GALNTL6: variants seen among roughly 807,000 people sequenced by gnomAD.
The protein encoded by GALNTL6 is polypeptide N-acetylgalactosaminyltransferase like 6, also known as polypeptide N-acetylgalactosaminyltransferase-like 6.
A neutral mutation model predicts 73.7 loss-of-function variants in GALNTL6; 46 were observed. That is an observed-to-expected ratio of 0.62 (90% confidence interval 0.49 to 0.80). The LOEUF is 0.80. Among genes scored for constraint, GALNTL6 ranks in the 30% least tolerant of loss-of-function variants. GALNTL6 has a pLI of 0.00. For synonymous variants in GALNTL6, 259 were observed against 263.7 expected (o/e 0.98, Z 0.17); for missense variants, 604 against 755.0 (o/e 0.80, Z 2.34).
intron 5 of GALNTL6, among the ~76,000 whole-genome samples, chr4:172,574,679 A>C (rs1736895988): frequency 6.6e-6 from 1 of 151,928 alleles, no homozygotes; most frequent in Admixed American, 6.6e-5. Context: ...AACACAAGAA[A>C]AAAATTGCTT....
At chr4:172,276,669 A>C (rs1055247091) in intron 3 of GALNTL6, among the ~76,000 whole-genome samples, 1 of 152,060 alleles carries the variant, frequency 6.6e-6, no homozygotes, top group Non-Finnish European at 1.5e-5. Flanking sequence ...TTTCAATCAC[A>C]CAACCAACTA....
chr4:172,176,086 T>TC (rs1371940266), intron 2 of GALNTL6, among the ~76,000 whole-genome samples: 1 of 151,872 alleles, frequency 6.6e-6, no homozygotes, highest in Non-Finnish European at 1.5e-5. Flanking sequence ...ACGCCTGTAA[T>TC]CCCAGCACTT....
At chr4:172,716,878 C>T (rs966971080) in intron 5 of GALNTL6, among the ~76,000 whole-genome samples, 6 of 152,188 alleles carry the variant, frequency 3.9e-5, no homozygotes, top group African/African-American at 1.2e-4. Context: ...AATTGTTCTA[C>T]AAATTCCTTG....
At chr4:172,353,192 G>C (rs1039401557) in intron 5 of GALNTL6, among the ~76,000 whole-genome samples, 2 of 152,132 alleles carry the variant, frequency 1.3e-5, no homozygotes, top group Non-Finnish European at 2.9e-5. Flanking sequence ...TGTAATCCCA[G>C]CACTTTGGGA....
chr4:171,874,012 C>T (rs541833117), intron 2 of GALNTL6, among the ~76,000 whole-genome samples: 4 of 152,206 alleles, frequency 2.6e-5, no homozygotes, highest in South Asian at 2.1e-4. Context: ...TGTTGAATGC[C>T]GGCAGAATTC....
chr4:172,522,822 A>G (rs2110822603), intron 5 of GALNTL6, among the ~76,000 whole-genome samples: 1 of 152,250 alleles, frequency 6.6e-6, no homozygotes, highest in East Asian at 1.9e-4. Context: ...ATGATATCTA[A>G]TACATACATA....
At chr4:172,249,386 A>C (rs1470027550) in intron 3 of GALNTL6, among the ~76,000 whole-genome samples, 1 of 152,174 alleles carries the variant, frequency 6.6e-6, no homozygotes, top group Admixed American at 6.5e-5. Flanking sequence ...CAAGTTTGAA[A>C]ATTTGCAGCC....
At chr4:172,632,295 A>G (rs1222732586) in intron 5 of GALNTL6, among the ~76,000 whole-genome samples, 1 of 152,236 alleles carries the variant, frequency 6.6e-6, no homozygotes, top group Non-Finnish European at 1.5e-5. Context: ...TTGGAAGCTC[A>G]GAAGAGGACG....
chr4:172,131,488 T>TAC (rs386402284), intron 2 of GALNTL6, among the ~76,000 whole-genome samples: 13 of 147,542 alleles, frequency 8.8e-5, no homozygotes, highest in Admixed American at 1.4e-4. Context: ...TGTATATATA[T>TAC]ACATATATAT....
At position 171,817,960 on chromosome 4, in the gene GALNTL6, A is replaced by G. The variant is rs113309921; in HGVS notation, c.138+3242A>G. Among the ~76,000 whole-genome samples the G allele has an allele frequency of 7.2e-3, 1,087 of 151,622 alleles. 9 individuals carry two copies. Among genetic ancestry groups the G allele is most frequent in the African/African-American group, 0.024 (1,013 of 41,468 alleles). On this transcript the variant is annotated intron_variant, in intron 2 of 12. Coordinates refer to ENST00000506823, the MANE Select transcript of GALNTL6 (RefSeq NM_001034845.3). ...TTATAATTGTGATGTGTTATTTTCA[A>G]TTGACTTAATTTTGTCTTTTTTTGT...
intron 5 of GALNTL6, among the ~76,000 whole-genome samples, chr4:172,600,141 G>A (rs1282250872): frequency 2.0e-5 from 3 of 151,896 alleles, no homozygotes; most frequent in African/African-American, 7.3e-5. Context: ...TGTATAATGG[G>A]GAATAGCAAA....
At chr4:172,891,274 T>A (rs887225727) in intron 8 of GALNTL6, among the ~76,000 whole-genome samples, 1 of 152,200 alleles carries the variant, frequency 6.6e-6, no homozygotes, top group African/African-American at 2.4e-5. Context: ...GACTACATAC[T>A]TGCATATGTT....
intron 5 of GALNTL6, among the ~76,000 whole-genome samples, chr4:172,457,348 AT>A (rs1410838713): frequency 6.6e-6 from 1 of 152,232 alleles, no homozygotes; most frequent in African/African-American, 2.4e-5. Context: ...ACAGGATCAA[AT>A]TCACACATAA....
In GALNTL6 at chr4:173,039,941, A is replaced by G. The variant is rs1421542704; in HGVS notation, c.1647A>G (p.Thr549=). 6.2e-6 allele frequency: 10 copies of G among 1,613,252 alleles called. No individual in the cohort carries two copies. Among genetic ancestry groups the G allele is most frequent in the Non-Finnish European group, 1.7e-6 (2 of 1,179,752 alleles). ...CTTCCTCACTCCTCCAGGACAGAACATTATTCCATCCTGTGAGCAACAGCT... is the reference window on the plus strand; with the variant it reads ...CTTCCTCACTCCTCCAGGACAGAACGTTATTCCATCCTGTGAGCAACAGCT... The part of the protein sequence containing the change: ...NQLWGYRKDR[T]LFHPVSNSCM... The change falls in exon 13 of 13, where the codon ACA becomes ACG. Residue 549 remains threonine (T), a synonymous_variant. Transcript: ENST00000506823.
chr4:172,895,773 T>C (rs1746293065), intron 8 of GALNTL6, among the ~76,000 whole-genome samples: 1 of 152,188 alleles, frequency 6.6e-6, no homozygotes, highest in African/African-American at 2.4e-5. Context: ...CTTTTGATGT[T>C]GTCCCATAGA....
intron 2 of GALNTL6, among the ~76,000 whole-genome samples, chr4:172,124,946 T>C (rs1733254696): frequency 6.6e-6 from 1 of 152,090 alleles, no homozygotes; most frequent in Non-Finnish European, 1.5e-5. Flanking sequence ...AATGAATTTA[T>C]GCTTGAGGAA....
chr4:172,438,471 A>G (rs746085094), intron 5 of GALNTL6, among the ~76,000 whole-genome samples: 1 of 151,960 alleles, frequency 6.6e-6, no homozygotes, highest in Non-Finnish European at 1.5e-5. Context: ...ATCTCCAATC[A>G]TGTCCCCACT....
intron 5 of GALNTL6, among the ~76,000 whole-genome samples, chr4:172,470,872 C>T (rs1561098366): frequency 1.3e-5 from 2 of 152,146 alleles, no homozygotes; most frequent in African/African-American, 4.8e-5. Context: ...CACACACAGA[C>T]TCAGAATGTT....
chr4:171,867,176 A>T (rs1172676086), intron 2 of GALNTL6, among the ~76,000 whole-genome samples: 3 of 152,176 alleles, frequency 2.0e-5, no homozygotes, highest in African/African-American at 7.2e-5. Flanking sequence ...AATGAAAGGG[A>T]TACCATTTTG....
Sources: gnomAD v4.1 joint callset for allele counts (sites outside exome capture counted in the v4.1 genomes callset) on GRCh38, gnomAD v4.1.1 for gene constraint, MANE v1.5 for transcripts, NCBI Gene and HGNC (gene_info 2026-07-23, HGNC 2026-07-21) for gene names.